The following ZFAT variants were observed in gnomAD, a reference collection of about 807,000 sequenced individuals.
The protein encoded by ZFAT is zinc finger and AT-hook domain containing, also known as zinc finger protein ZFAT.
Under a neutral mutation model 117.7 loss-of-function variants are expected in ZFAT, and 64 were observed. That is an observed-to-expected ratio of 0.54 (90% CI 0.44 to 0.67). ZFAT has a LOEUF of 0.67. Ranked by LOEUF, ZFAT falls within the 30% of genes least tolerant of loss-of-function variation. The pLI, the probability that ZFAT is intolerant of heterozygous loss-of-function variation, is 0.00. For missense variants in ZFAT, 1,433 were observed against 1,584.5 expected (o/e 0.90, Z 1.62); for synonymous variants, 679 against 615.0 (o/e 1.10, Z -1.54).
chr8:134,734,720 G>T, the ZFAT span, among the ~76,000 whole-genome samples: 1 of 152,214 alleles, frequency 6.6e-6, no homozygotes, highest in South Asian at 2.1e-4. Context: ...CAGAGGGGCG[G>T]CATTCCTAAC....
At chr8:134,822,277 T>C in the ZFAT span, among the ~76,000 whole-genome samples, 200 of 152,270 alleles carry the variant, frequency 1.3e-3, 1 homozygote, top group African/African-American at 4.6e-3. Flanking sequence ...AGCATGTCAC[T>C]GGCATTGAAA....
chr8:134,729,821 C>T, the ZFAT span, among the ~76,000 whole-genome samples: 2 of 152,112 alleles, frequency 1.3e-5, no homozygotes, highest in Non-Finnish European at 2.9e-5. Flanking sequence ...TTGGTTTCCC[C>T]GTTTGTAAAA....
chr8:134,635,006 T>C (rs894694232), intron 3 of ZFAT, among the ~76,000 whole-genome samples: 3 of 152,184 alleles, frequency 2.0e-5, no homozygotes, highest in African/African-American at 2.4e-5. Flanking sequence ...CAGTTTACAA[T>C]AGGGCTCATG....
the ZFAT span, among the ~76,000 whole-genome samples, chr8:134,791,192 C>T: frequency 6.6e-6 from 1 of 152,198 alleles, no homozygotes; most frequent in Non-Finnish European, 1.5e-5. Flanking sequence ...ATGTAAACTT[C>T]AACTCTTTCT....
the ZFAT span, among the ~76,000 whole-genome samples, chr8:134,755,165 A>G: frequency 2.0e-5 from 3 of 151,004 alleles, no homozygotes; most frequent in Non-Finnish European, 4.4e-5. Context: ...ACACTTTGGG[A>G]GGCCGAGGCA....
At chr8:134,598,694 C>T (rs1035932027) in intron 7 of ZFAT, 1 of 152,214 alleles carries the variant, frequency 6.6e-6, no homozygotes, top group Non-Finnish European at 1.5e-5. Context: ...CTTTTCTTGT[C>T]ATTTTTTCAG....
chr8:134,798,532 TGTAA>T, the ZFAT span, among the ~76,000 whole-genome samples: 21 of 152,102 alleles, frequency 1.4e-4, no homozygotes, highest in Non-Finnish European at 2.4e-4. Flanking sequence ...GACAGCTAAC[TGTAA>T]GTAGAATGTT....
chr8:134,724,947 C>T, the ZFAT span, among the ~76,000 whole-genome samples: 1 of 152,170 alleles, frequency 6.6e-6, no homozygotes, highest in Admixed American at 6.5e-5. Flanking sequence ...CCTGTGCTCT[C>T]CACCGCAAGC....
At position 134,514,478 on chromosome 8, in the gene ZFAT, A is replaced by C. The variant is rs541411856; in HGVS notation, c.3235-1877T>G. ...AGTGATCATCATCAACATCCGCAAT[A>C]ATCATAGCAGCTGCCATTTTTGAGG... On this transcript the variant is annotated intron_variant, in intron 13 of 15. Coordinates refer to ENST00000377838, the MANE Select transcript of ZFAT (RefSeq NM_020863.4). Among the ~76,000 whole-genome samples, 6 of 152,308 alleles carry C rather than the reference A, an allele frequency of 3.9e-5. No individual in the cohort carries two copies. The South Asian group carries it at 1.2e-3, about 32-fold the overall frequency.
At chr8:134,553,318 G>A (rs1245905025) in intron 11 of ZFAT, among the ~76,000 whole-genome samples, 1 of 152,172 alleles carries the variant, frequency 6.6e-6, no homozygotes, top group African/African-American at 2.4e-5. Flanking sequence ...GCCTGGCCAA[G>A]ATGGTGAAAC....
Position 134,652,719 on chromosome 8 carries a change from A to G in ZFAT, c.196+4842T>C, listed in dbSNP as rs549160428. Reference sequence around the variant, plus strand: ...CCAGCAAAATGCAAATTAAAATGATACACCATTTTTTGTCTATCAAATTGG... The same window carrying G: ...CCAGCAAAATGCAAATTAAAATGATGCACCATTTTTTGTCTATCAAATTGG... On this transcript the variant is annotated intron_variant, in intron 2 of 15. Coordinates refer to ENST00000377838, the MANE Select transcript of ZFAT (RefSeq NM_020863.4). Among the ~76,000 whole-genome samples, 7 of 152,354 alleles carry G rather than the reference A, an allele frequency of 4.6e-5. No individual in the cohort carries two copies. In the South Asian group the frequency reaches 1.4e-3, roughly 32 times the overall value.
At chr8:134,779,469 C>A in the ZFAT span, among the ~76,000 whole-genome samples, 4 of 152,110 alleles carry the variant, frequency 2.6e-5, no homozygotes, top group Admixed American at 2.6e-4. Flanking sequence ...GCAAAGAATA[C>A]ACACTTAGTG....
intron 5 of ZFAT, among the ~76,000 whole-genome samples, chr8:134,605,288 T>C (rs1827798939): frequency 6.6e-6 from 1 of 152,238 alleles, no homozygotes; most frequent in African/African-American, 2.4e-5. Context: ...GGCTCACGCC[T>C]GTAATCCCAG....
intron 1 of ZFAT, among the ~76,000 whole-genome samples, chr8:134,674,426 T>C (rs1586932013): frequency 6.6e-6 from 1 of 152,142 alleles, no homozygotes; most frequent in Non-Finnish European, 1.5e-5. Context: ...GGGGCATCCA[T>C]CATTGCTGAG....
rs191886227 is a variant in ZFAT, at chr8:134,646,158, G to A, written c.197-8446C>T. 2.4e-3 allele frequency among the ~76,000 whole-genome samples: 372 copies of A among 152,206 alleles called. 3 individuals carry two copies. The highest frequency in any genetic ancestry group is 0.014 in the Middle Eastern group (4 of 294). On this transcript the variant is annotated intron_variant, in intron 2 of 15. Coordinates refer to ENST00000377838, the MANE Select transcript of ZFAT (RefSeq NM_020863.4). The stretch of plus-strand genomic sequence containing the variant: ...TGGAAGGCGGAGGTTGCAGTGAGCC[G>A]AGATCACGCCACTGCACTCCAGCCT...
intron 11 of ZFAT, among the ~76,000 whole-genome samples, chr8:134,544,260 C>T (rs1822516330): frequency 6.6e-6 from 1 of 152,168 alleles, no homozygotes; most frequent in South Asian, 2.1e-4. Context: ...CATCAGAACC[C>T]GCTCACCTAT....
At chr8:134,543,594 A>G (rs1183096172) in intron 11 of ZFAT, among the ~76,000 whole-genome samples, 2 of 152,202 alleles carry the variant, frequency 1.3e-5, no homozygotes, top group African/African-American at 4.8e-5. Context: ...ATATTGCTCT[A>G]TTCTACTGAG....
chr8:134,771,631 C>T, the ZFAT span, among the ~76,000 whole-genome samples: 4 of 152,166 alleles, frequency 2.6e-5, no homozygotes, highest in Non-Finnish European at 5.9e-5. Flanking sequence ...CAAACTTTCC[C>T]ACATTTTCCT....
At position 134,602,180 on chromosome 8, in the gene ZFAT, C is replaced by T; in HGVS notation, c.1539G>A (p.Gly513=). The change falls in exon 6 of 16, where the codon GGG becomes GGA. Residue 513 remains glycine (G), a synonymous_variant. Transcript: ENST00000377838. ...CCTCTTCCACCAGCTGTAGCTGGTCCCCCAGAGCTTCTTGCTGGATGTCCC... is the reference window on the plus strand; with the variant it reads ...CCTCTTCCACCAGCTGTAGCTGGTCTCCCAGAGCTTCTTGCTGGATGTCCC... The part of the protein sequence containing the change: ...PGGDIQQEAL[G]DQLQLVEEEF... The T allele has an allele frequency of 6.2e-7, 1 of 1,613,478 alleles. No homozygotes were observed. The highest frequency in any genetic ancestry group is 8.5e-7 in the Non-Finnish European group (1 of 1,180,000).
Sources: allele counts gnomAD v4.1 joint callset (sites outside exome capture counted in the v4.1 genomes callset), GRCh38; gene constraint gnomAD v4.1.1; transcripts MANE v1.5; gene names NCBI Gene and HGNC (gene_info 2026-07-23, HGNC 2026-07-21).